The following AKR1C8 variants were observed in gnomAD, a reference collection of about 807,000 sequenced individuals.
AKR1C8 encodes the protein aldo-keto reductase family 1 member C-like protein 1.
At chr10:5,179,859 C>A in the AKR1C8 span, among the ~76,000 whole-genome samples, 1 of 152,156 alleles carries the variant, frequency 6.6e-6, no homozygotes, top group Non-Finnish European at 1.5e-5. Flanking sequence ...ATTTGTTATT[C>A]TAGTTATACA....
chr10:5,181,492 G>C, the AKR1C8 span, among the ~76,000 whole-genome samples: 1 of 152,024 alleles, frequency 6.6e-6, no homozygotes, highest in Non-Finnish European at 1.5e-5. Context: ...AATTAAACTT[G>C]AGTTTCAAGA....
the AKR1C8 span, among the ~76,000 whole-genome samples, chr10:5,145,795 C>T: frequency 2.1e-3 from 327 of 152,234 alleles, no homozygotes; most frequent in Non-Finnish European, 3.7e-3. Context: ...TGTGGCGATT[C>T]CTCAGGGATC....
At chr10:5,132,345 C>T in the AKR1C8 span, among the ~76,000 whole-genome samples, 6 of 152,210 alleles carry the variant, frequency 3.9e-5, no homozygotes, top group South Asian at 1.2e-3. Flanking sequence ...AAAATGAGCG[C>T]ATAAAAAATA....
the AKR1C8 span, chr10:5,154,034 A>G: frequency 3.3e-6 from 1 of 303,252 alleles, no homozygotes; most frequent in South Asian, 3.2e-5. Context: ...AAGGCAAGCA[A>G]CCTGCAACTA....
chr10:5,118,127 G>A, the AKR1C8 span, among the ~76,000 whole-genome samples: 1 of 152,152 alleles, frequency 6.6e-6, no homozygotes, highest in South Asian at 2.1e-4. Context: ...CTTCCTGCCA[G>A]TTATGAGCCT....
At chr10:5,182,359 G>T in the AKR1C8 span, among the ~76,000 whole-genome samples, 1 of 152,078 alleles carries the variant, frequency 6.6e-6, no homozygotes, top group South Asian at 2.1e-4. Context: ...AAACCTCTTA[G>T]AAAAACTGGC....
At chr10:5,169,240 T>C in the AKR1C8 span, among the ~76,000 whole-genome samples, 80,336 of 152,026 alleles carry the variant, frequency 0.53, 22,213 homozygotes, top group Non-Finnish European at 0.6. Context: ...TTTAAAGTGG[T>C]AGTGTTTGTC....
At chr10:5,121,811 C>G in the AKR1C8 span, among the ~76,000 whole-genome samples, 59,563 of 151,814 alleles carry the variant, frequency 0.39, 12,480 homozygotes, top group Non-Finnish European at 0.43. Context: ...TGGGTAAGAG[C>G]GTCCAAAGCG....
chr10:5,161,069 G>A, the AKR1C8 span, among the ~76,000 whole-genome samples: 3 of 152,122 alleles, frequency 2.0e-5, no homozygotes, highest in Non-Finnish European at 4.4e-5. Flanking sequence ...ATATGTGTGT[G>A]GGTATGTGTG....
the AKR1C8 span, among the ~76,000 whole-genome samples, chr10:5,129,702 C>A: frequency 6.6e-6 from 1 of 152,022 alleles, no homozygotes; most frequent in South Asian, 2.1e-4. Context: ...AACATACAAC[C>A]TTCTTAGATT....
the AKR1C8 span, chr10:5,161,611 A>G: frequency 6.0e-6 from 3 of 499,576 alleles, no homozygotes; most frequent in Admixed American, 6.2e-5. Context: ...TCTAGGGTAG[A>G]GGAAGTGAGA....
chr10:5,123,494 C>A, the AKR1C8 span: 3 of 485,280 alleles, frequency 6.2e-6, no homozygotes, highest in Non-Finnish European at 1.1e-5. Context: ...GTTTGTTAGG[C>A]GGCTCCCTAA....
chr10:5,157,992 A>G, the AKR1C8 span, among the ~76,000 whole-genome samples: 1 of 152,230 alleles, frequency 6.6e-6, no homozygotes, highest in Admixed American at 6.5e-5. Flanking sequence ...AAGGCTGTCC[A>G]TTAACAGGTG....
At chr10:5,174,511 T>C in the AKR1C8 span, among the ~76,000 whole-genome samples, 1 of 127,054 alleles carries the variant, frequency 7.9e-6, no homozygotes, top group East Asian at 1.9e-4. Flanking sequence ...AAACTACTTC[T>C]TTGACCTTTA....
chr10:5,121,063 A>G, the AKR1C8 span, among the ~76,000 whole-genome samples: 1 of 151,446 alleles, frequency 6.6e-6, no homozygotes, highest in African/African-American at 2.4e-5. Flanking sequence ...GAAGCATAAA[A>G]CGACATAGAG....
chr10:5,142,629 G>A, the AKR1C8 span, among the ~76,000 whole-genome samples: 1 of 152,136 alleles, frequency 6.6e-6, no homozygotes, highest in Non-Finnish European at 1.5e-5. Flanking sequence ...GAGGGAAAGA[G>A]ATAGGGGAAC....
At chr10:5,161,077 G>A in the AKR1C8 span, among the ~76,000 whole-genome samples, 1 of 152,136 alleles carries the variant, frequency 6.6e-6, no homozygotes, top group Non-Finnish European at 1.5e-5. Context: ...GTGGGTATGT[G>A]TGTAAATGTG....
At chr10:5,177,148 T>C in the AKR1C8 span, among the ~76,000 whole-genome samples, 9 of 152,190 alleles carry the variant, frequency 5.9e-5, no homozygotes, top group African/African-American at 1.7e-4. Context: ...TTGAGATGCA[T>C]CCCATCAATA....
chr10:5,151,356 TG>T, the AKR1C8 span, among the ~76,000 whole-genome samples: 1 of 152,116 alleles, frequency 6.6e-6, no homozygotes, highest in Non-Finnish European at 1.5e-5. Flanking sequence ...GGAAAGGGTT[TG>T]TTTTGGGAAA....
Sources: allele counts gnomAD v4.1 joint callset (sites outside exome capture counted in the v4.1 genomes callset), GRCh38; gene constraint gnomAD v4.1.1; transcripts MANE v1.5; gene names NCBI Gene and HGNC (gene_info 2026-07-23, HGNC 2026-07-21).